EPM2A: variants seen among roughly 807,000 people sequenced by gnomAD.
The protein encoded by EPM2A is laforin.
In EPM2A, 21 loss-of-function variants were observed where a neutral mutation model predicts 26.5. The ratio of observed to expected loss-of-function variants is 0.79; its 90% CI spans 0.56 to 1.14. The LOEUF is 1.14. Ranked by LOEUF, EPM2A falls within the 50% of genes most tolerant of loss-of-function variation. EPM2A has a pLI of 0.00. For missense variants in EPM2A, 458 were observed against 440.8 expected (o/e 1.04, Z -0.35); for synonymous variants, 217 against 177.6 (o/e 1.22, Z -1.76).
intron 2 of EPM2A, among the ~76,000 whole-genome samples, chr6:145,505,188 A>T (rs1779953712): frequency 6.6e-6 from 1 of 150,482 alleles, no homozygotes; most frequent in African/African-American, 2.4e-5. Context: ...TGGCACATGT[A>T]TACATATGTA....
intron 2 of EPM2A, among the ~76,000 whole-genome samples, chr6:145,580,550 G>T (rs9403726): frequency 0.45 from 68,127 of 151,714 alleles, 16,062 homozygotes; most frequent in African/African-American, 0.57. Flanking sequence ...CAAGGGTACA[G>T]GCACAGGTTT....
chr6:145,539,694 G>A (rs1028717053), intron 2 of EPM2A, among the ~76,000 whole-genome samples: 6 of 152,152 alleles, frequency 3.9e-5, no homozygotes, highest in Non-Finnish European at 7.4e-5. Flanking sequence ...GAAGAAACAA[G>A]ATAAAAAGTC....
intron 4 of EPM2A, among the ~76,000 whole-genome samples, chr6:145,389,764 G>A (rs1285592538): frequency 1.3e-5 from 2 of 152,098 alleles, no homozygotes; most frequent in Non-Finnish European, 2.9e-5. Context: ...TACACGAAGA[G>A]TAATTTCTCC....
intron 2 of EPM2A, among the ~76,000 whole-genome samples, chr6:145,573,892 G>A (rs1245563838): frequency 6.6e-6 from 1 of 152,144 alleles, no homozygotes; most frequent in East Asian, 1.9e-4. Flanking sequence ...TTTAACTGGA[G>A]GACCATAATG....
chr6:145,708,695 T>C (rs904019976), intron 1 of EPM2A, among the ~76,000 whole-genome samples: 1 of 152,188 alleles, frequency 6.6e-6, no homozygotes, highest in Admixed American at 6.5e-5. Flanking sequence ...GAACCTCTGC[T>C]AGGGCAGTGC....
At chr6:145,467,979 T>C (rs982002636) in intron 4 of EPM2A, among the ~76,000 whole-genome samples, 1 of 152,090 alleles carries the variant, frequency 6.6e-6, no homozygotes, top group Non-Finnish European at 1.5e-5. Context: ...TTGGGTTTTC[T>C]AAGTAGGTAA....
At chr6:145,457,481 C>CAAAAAA (rs11325982) in intron 4 of EPM2A, among the ~76,000 whole-genome samples, 4 of 105,494 alleles carry the variant, frequency 3.8e-5, no homozygotes, top group Admixed American at 9.8e-5. Flanking sequence ...GACTCTGTCT[C>CAAAAAA]AAAAAAAAAA....
Position 145,584,569 on chromosome 6 carries a change from C to T in EPM2A, c.340+50676G>A, listed in dbSNP as rs1008075852. Among the ~76,000 whole-genome samples the T allele has an allele frequency of 6.6e-5, 10 of 152,160 alleles. No individual in the cohort carries two copies. The East Asian group carries it at 9.6e-4, about 15-fold the overall frequency. On this transcript the variant is annotated intron_variant, in intron 2 of 3. Coordinates refer to the EPM2A transcript ENST00000450221. ...GCTCCACACAGGCTGGAATTCTGCT[C>T]CTACCACCTTTCTAAGAGGTTGTCT...
rs542451625 is a variant in EPM2A, at chr6:145,522,429, T to G, written c.341-19854A>C. ...TCAACTGACCCAGATAATGGCATCA[T>G]TCATCCAATCCACTTAAGGCAGAAA... On this transcript the variant is annotated intron_variant, in intron 2 of 3. Transcript: ENST00000450221. Among the ~76,000 whole-genome samples the G allele has an allele frequency of 2.0e-5, 3 of 152,176 alleles. No homozygotes were observed. The South Asian group carries it at 6.2e-4, about 32-fold the overall frequency.
intron 4 of EPM2A, among the ~76,000 whole-genome samples, chr6:145,436,939 T>C (rs1298951190): frequency 6.6e-6 from 1 of 152,226 alleles, no homozygotes; most frequent in East Asian, 1.9e-4. Flanking sequence ...TCTTTAATTC[T>C]TTAGGATTAC....
chr6:145,496,479 A>G (rs995556035), intron 4 of EPM2A, among the ~76,000 whole-genome samples: 4 of 152,156 alleles, frequency 2.6e-5, no homozygotes, highest in African/African-American at 9.7e-5. Context: ...GTTGTAGATT[A>G]AGTCTCTATA....
At chr6:145,455,598 T>C (rs1779253740) in intron 4 of EPM2A, among the ~76,000 whole-genome samples, 1 of 152,274 alleles carries the variant, frequency 6.6e-6, no homozygotes, top group African/African-American at 2.4e-5. Flanking sequence ...CCTCAGGTGA[T>C]CCACCCGCCT....
In EPM2A at chr6:145,419,180, T is replaced by A. The variant is rs9390320; in HGVS notation, c.556-35083A>T. On this transcript the variant is annotated intron_variant, in intron 4 of 4. Coordinates refer to the EPM2A transcript ENST00000638717. Reference sequence around the variant, plus strand: ...TTGCCCAAGCAAATTCTGTTAAATGTCCCCCCCCCCCGCTCCTTTCCCCAG... The same window carrying A: ...TTGCCCAAGCAAATTCTGTTAAATGACCCCCCCCCCCGCTCCTTTCCCCAG... Among the ~76,000 whole-genome samples the A allele has an allele frequency of 2.4e-4, 7 of 29,256 alleles. No homozygotes were observed. In the South Asian group the frequency reaches 7.5e-3, roughly 32 times the overall value. 19.2% of individuals were successfully genotyped at this position (29,256 alleles called of 152,430 possible). A position where few individuals can be genotyped will look rare whatever the true frequency, so the allele number is the denominator to read the frequency against.
intron 2 of EPM2A, among the ~76,000 whole-genome samples, chr6:145,553,101 A>G (rs1209319919): frequency 6.6e-6 from 1 of 152,054 alleles, no homozygotes; most frequent in African/African-American, 2.4e-5. Flanking sequence ...TGCTGTTATC[A>G]TGATAATGAG....
intron 2 of EPM2A, among the ~76,000 whole-genome samples, chr6:145,506,388 C>G (rs188158010): frequency 1.3e-5 from 2 of 152,032 alleles, no homozygotes; most frequent in Admixed American, 6.5e-5. Flanking sequence ...ATCCTAAGGA[C>G]AACAGACGCC....
intron 1 of EPM2A, among the ~76,000 whole-genome samples, chr6:145,702,472 AG>A (rs1781971836): frequency 2.0e-5 from 3 of 149,084 alleles, no homozygotes; most frequent in African/African-American, 7.8e-5. Context: ...ATTTGCAAAA[AG>A]AAGAAAAAAA....
rs1446326342 is a variant in EPM2A, at chr6:145,527,209, T to C, written c.341-24634A>G. 1.4e-4 allele frequency among the ~76,000 whole-genome samples: 21 copies of C among 152,146 alleles called. No homozygotes were observed. The East Asian group carries it at 3.1e-3, about 22-fold the overall frequency. ...TTAAGACTTACTTTATAACCAAGGA[T>C]GTGGTCAATCTTAGAGTACGTTCCA... On this transcript the variant is annotated intron_variant, in intron 2 of 3. Coordinates refer to the EPM2A transcript ENST00000450221.
intron 2 of EPM2A, among the ~76,000 whole-genome samples, chr6:145,668,298 G>A (rs1019325554): frequency 2.0e-5 from 3 of 151,994 alleles, no homozygotes; most frequent in Admixed American, 1.3e-4. Flanking sequence ...TTAACATAAT[G>A]GTCAAGATAA....
chr6:145,471,204 G>A (rs191628153), intron 4 of EPM2A, among the ~76,000 whole-genome samples: 1 of 152,046 alleles, frequency 6.6e-6, no homozygotes, highest in Non-Finnish European at 1.5e-5. Context: ...TGAATCTATT[G>A]ATTGATCAAT....
Sources: gnomAD v4.1 joint callset for allele counts (sites outside exome capture counted in the v4.1 genomes callset) on GRCh38, gnomAD v4.1.1 for gene constraint, MANE v1.5 for transcripts, NCBI Gene and HGNC (gene_info 2026-07-23, HGNC 2026-07-21) for gene names.